The following ATP8A2 variants were observed in gnomAD, a reference collection of about 807,000 sequenced individuals.
ATP8A2 encodes phospholipid-transporting ATPase IB.
Under a neutral mutation model 165.6 loss-of-function variants are expected in ATP8A2, and 100 were observed. The observed-to-expected ratio is 0.60, with a 90% CI of 0.51 to 0.71. The LOEUF (loss-of-function observed/expected upper bound fraction) is 0.71, where lower values mean the gene tolerates loss of function less well. Among genes scored for constraint, ATP8A2 ranks in the 30% least tolerant of loss-of-function variants. The pLI, the probability that ATP8A2 is intolerant of heterozygous loss-of-function variation, is 0.00. For missense variants in ATP8A2, 1,227 were observed against 1,479.5 expected, an observed-to-expected ratio of 0.83 and a Z score of 2.80; for synonymous variants, 543 against 548.8, an observed-to-expected ratio of 0.99 and a Z score of 0.15.
Position 25,372,142 on chromosome 13 carries a change from G to T in ATP8A2, c.-71G>T. ...GCCCACCCATGGTCCTCGGGCGGCG[G>T]CCCCTGCGCCCAGCCCTGCGCGTAG... is the stretch of plus-strand genomic sequence containing the variant. On this transcript the variant is annotated 5_prime_UTR_variant, in exon 1 of 37. Coordinates refer to ENST00000381655, the MANE Select transcript of ATP8A2 (RefSeq NM_016529.6). This position sits in a 1 kb window ranked among gnomAD's most constrained non-coding sequence, Gnocchi z 4.8. 3 of 1,103,388 alleles carry T rather than the reference G, an allele frequency of 2.7e-6. No individual in the cohort carries two copies. Among genetic ancestry groups the T allele is most frequent in the East Asian group, 3.4e-5 (1 of 29,008 alleles). 68.3% of individuals were successfully genotyped at this position (1,103,388 alleles called of 1,614,324 possible).
At chr13:25,520,144 A>G (rs1023765843) in intron 2 of ATP8A2, among the ~76,000 whole-genome samples, 2 of 152,140 alleles carry the variant, frequency 1.3e-5, no homozygotes, top group Non-Finnish European at 1.5e-5. Context: ...ATTTGTACCC[A>G]TTAATCAACC....
intron 24 of ATP8A2, among the ~76,000 whole-genome samples, chr13:25,613,589 AAAAC>A (rs1227980315): frequency 6.6e-5 from 10 of 152,168 alleles, no homozygotes; most frequent in Non-Finnish European, 8.8e-5. Flanking sequence ...ACAAAACAAA[AAAAC>A]AAACAAACAC....
intron 33 of ATP8A2, chr13:25,863,676 A>G (rs1750499): frequency 0.54 from 81,613 of 152,050 alleles, 22,107 homozygotes; most frequent in South Asian, 0.62. Flanking sequence ...ATGTCTAGCA[A>G]CTGTTTCTCG....
intron 33 of ATP8A2, chr13:25,871,210 A>C (rs2138807944): frequency 2.4e-6 from 1 of 417,658 alleles, no homozygotes; most frequent in South Asian, 1.8e-5. Flanking sequence ...AGTACACATT[A>C]CATGCTGATT....
At chr13:25,670,578 C>T (rs180849850) in intron 24 of ATP8A2, among the ~76,000 whole-genome samples, 1 of 152,258 alleles carries the variant, frequency 6.6e-6, no homozygotes, top group African/African-American at 2.4e-5. Flanking sequence ...GACTGGTTTA[C>T]CACCTTTTGG....
intron 1 of ATP8A2, among the ~76,000 whole-genome samples, chr13:25,428,048 G>A (rs1176968730): frequency 6.6e-6 from 1 of 152,082 alleles, no homozygotes; most frequent in Non-Finnish European, 1.5e-5. Context: ...GCCAGGCATG[G>A]TGATGTGCGC....
At chr13:25,554,105 G>A (rs149545999) in intron 12 of ATP8A2, among the ~76,000 whole-genome samples, 185 bp downstream of exon 12, 427 of 152,306 alleles carry the variant, frequency 2.8e-3, no homozygotes, top group African/African-American at 9.1e-3. Flanking sequence ...TGGAAGGGCA[G>A]TGGTACCTAT....
rs1566299785 is a variant in ATP8A2 at position 25,953,545 on chromosome 13, A to AAAAACAACAAC, written c.3184-8029_3184-8028insAAACAACAACA. Among the ~76,000 whole-genome samples the AAAAACAACAAC allele has an allele frequency of 2.4e-5, 3 of 122,804 alleles. No individual in the cohort carries two copies. The highest frequency in any genetic ancestry group is 1.1e-4 in the African/African-American group (3 of 27,766). 80.6% of individuals were successfully genotyped at this position (122,804 alleles called of 152,430 possible). A position where few individuals can be genotyped will look rare whatever the true frequency, so the allele number is the denominator to read the frequency against. Reference sequence around the variant, plus strand: ...TTTAAAAAAAAAAAAAAAAAAAAAAAAGCAAGGGAAATAGGCAAGACGGCC... The same window carrying AAAAACAACAAC: ...TTTAAAAAAAAAAAAAAAAAAAAAAAAAAACAACAACAGCAAGGGAAATAGGCAAGACGGCC... On this transcript the variant is annotated intron_variant, in intron 33 of 36. Transcript: ENST00000381655. The surrounding 1 kb of genome is among the most constrained non-coding windows in gnomAD (Gnocchi z 6.7).
chr13:25,874,869 G>A (rs1045244370), intron 33 of ATP8A2, among the ~76,000 whole-genome samples: 3 of 151,284 alleles, frequency 2.0e-5, no homozygotes, highest in Non-Finnish European at 4.4e-5. Context: ...CACACAATGG[G>A]ATGTTATTCA....
intron 33 of ATP8A2, among the ~76,000 whole-genome samples, chr13:25,915,438 A>G (rs1954243048): frequency 6.6e-6 from 1 of 152,248 alleles, no homozygotes; most frequent in Non-Finnish European, 1.5e-5. Context: ...CAAGACAAGA[A>G]GCAATAAATA....
chr13:25,539,821 A>T (rs2038412211), intron 7 of ATP8A2, among the ~76,000 whole-genome samples: 1 of 152,186 alleles, frequency 6.6e-6, no homozygotes, highest in Non-Finnish European at 1.5e-5. Context: ...TTGATTAAAA[A>T]GTTGGACTCG....
At chr13:25,997,905 C>T (rs1232134997) in intron 35 of ATP8A2, among the ~76,000 whole-genome samples, 1 of 152,112 alleles carries the variant, frequency 6.6e-6, no homozygotes, top group African/African-American at 2.4e-5. Flanking sequence ...TCCACTGTTT[C>T]TGACGTCTTG....
intron 2 of ATP8A2, among the ~76,000 whole-genome samples, chr13:25,482,176 C>T (rs2036225430): frequency 6.6e-6 from 1 of 152,134 alleles, no homozygotes; most frequent in African/African-American, 2.4e-5. Context: ...AAGCCACCTG[C>T]TTTAGATTCA....
chr13:25,626,525 A>G (rs2041104315), intron 24 of ATP8A2, among the ~76,000 whole-genome samples: 1 of 152,186 alleles, frequency 6.6e-6, no homozygotes, highest in Non-Finnish European at 1.5e-5. Flanking sequence ...TTAAGTTTTA[A>G]ATGAATGAAA....
intron 33 of ATP8A2, among the ~76,000 whole-genome samples, chr13:25,900,804 TG>T (rs1953717388): frequency 6.6e-6 from 1 of 151,148 alleles, no homozygotes; most frequent in African/African-American, 2.4e-5. Flanking sequence ...AGCAAAGGGG[TG>T]GGAAGGTATT....
chr13:26,011,093 C>A (rs1180778207), intron 35 of ATP8A2, among the ~76,000 whole-genome samples: 1 of 152,146 alleles, frequency 6.6e-6, no homozygotes, highest in African/African-American at 2.4e-5. Flanking sequence ...GCACCTGCAG[C>A]TTCTTCTACA....
chr13:25,945,329 T>C (rs1460584925), intron 33 of ATP8A2, among the ~76,000 whole-genome samples: 2 of 152,120 alleles, frequency 1.3e-5, no homozygotes, highest in Non-Finnish European at 2.9e-5. Context: ...TTCATCTTTG[T>C]GTCTCTCAGA....
intron 35 of ATP8A2, among the ~76,000 whole-genome samples, chr13:25,990,505 A>G (rs1956369610): frequency 6.6e-6 from 1 of 152,142 alleles, no homozygotes; most frequent in African/African-American, 2.4e-5. Context: ...GGGAAAGCAT[A>G]TGCAAAGGCC....
intron 24 of ATP8A2, among the ~76,000 whole-genome samples, chr13:25,614,989 A>G (rs777243394): frequency 4.6e-5 from 7 of 152,218 alleles, no homozygotes; most frequent in Non-Finnish European, 1.0e-4. Flanking sequence ...AGGAGGTGGC[A>G]CTTTCAAGAG....
Sources: allele counts gnomAD v4.1 joint callset (sites outside exome capture counted in the v4.1 genomes callset), GRCh38; gene constraint gnomAD v4.1.1; non-coding constraint Gnocchi (gnomAD v3.1); transcripts MANE v1.5; gene names NCBI Gene and HGNC (gene_info 2026-07-23, HGNC 2026-07-21).